MORC1: variants seen among roughly 807,000 people sequenced by gnomAD.
The protein encoded by MORC1 is MORC family CW-type zinc finger 1, also known as MORC family CW-type zinc finger protein 1.
In MORC1, 59 loss-of-function variants were observed where a neutral mutation model predicts 134.9. The observed-to-expected ratio is 0.44, with a 90% confidence interval of 0.35 to 0.54. The LOEUF (loss-of-function observed/expected upper bound fraction) is 0.54, where lower values mean the gene tolerates loss of function less well. Ranked by LOEUF, MORC1 falls within the 20% of genes least tolerant of loss-of-function variation. The pLI, the probability that MORC1 is intolerant of heterozygous loss-of-function variation, is 0.00. For synonymous variants in MORC1, 395 were observed against 391.7 expected (o/e 1.01, Z -0.10); for missense variants, 947 against 1,134.5 (o/e 0.83, Z 2.37).
chr3:109,011,254 G>C (rs913916360), intron 17 of MORC1, among the ~76,000 whole-genome samples: 1 of 152,044 alleles, frequency 6.6e-6, no homozygotes, highest in African/African-American at 2.4e-5. Context: ...CTGCCAAACT[G>C]TTTTCCTATG....
chr3:109,046,125 T>C (rs1346969463), intron 14 of MORC1, among the ~76,000 whole-genome samples: 1 of 152,238 alleles, frequency 6.6e-6, no homozygotes, highest in African/African-American at 2.4e-5. Context: ...TATAGATGTA[T>C]GAGGCATAAC....
At chr3:108,999,786 T>C (rs1317090615) in intron 21 of MORC1, among the ~76,000 whole-genome samples, 4 of 152,204 alleles carry the variant, frequency 2.6e-5, no homozygotes, top group Non-Finnish European at 5.9e-5. Context: ...GAAACTATAA[T>C]GAGTAATAAA....
intron 15 of MORC1, among the ~76,000 whole-genome samples, chr3:109,034,539 T>C (rs1949327229): frequency 6.6e-6 from 1 of 152,188 alleles, no homozygotes; most frequent in African/African-American, 2.4e-5. Flanking sequence ...TTACCCAACC[T>C]AATACTTTTG....
Position 109,005,058 on chromosome 3 carries a change from C to A in MORC1, c.2013+12G>T. The A allele has an allele frequency of 6.3e-7, 1 of 1,598,748 alleles. No homozygotes were observed. ...AGTGAATTGTTTTGTGAATAAGAAA[C>A]AATAATAATACCTGGGATCTCTCAG... On this transcript the variant is annotated intron_variant, in intron 19 of 27. Coordinates refer to ENST00000232603, the MANE Select transcript of MORC1 (RefSeq NM_014429.4).
chr3:109,026,108 G>T (rs1194958385), intron 17 of MORC1, among the ~76,000 whole-genome samples: 1 of 152,140 alleles, frequency 6.6e-6, no homozygotes, highest in Non-Finnish European at 1.5e-5. Flanking sequence ...ACAACCCAAA[G>T]CTTTCCTTGG....
chr3:109,076,000 A>C (rs1576715623), intron 8 of MORC1, among the ~76,000 whole-genome samples: 1 of 152,146 alleles, frequency 6.6e-6, no homozygotes, highest in South Asian at 2.1e-4. Flanking sequence ...AATTAAACTA[A>C]AGAGTTTCTG....
chr3:109,043,524 T>A (rs1005213469), intron 14 of MORC1, among the ~76,000 whole-genome samples: 11 of 152,052 alleles, frequency 7.2e-5, no homozygotes, highest in African/African-American at 2.4e-4. Flanking sequence ...TCCTTAACAT[T>A]ACTCAACTGT....
intron 17 of MORC1, among the ~76,000 whole-genome samples, chr3:109,026,086 G>C (rs1450453767): frequency 6.6e-6 from 1 of 152,122 alleles, no homozygotes; most frequent in Non-Finnish European, 1.5e-5. Context: ...GTTGCCTTTG[G>C]TTCAGTGAAC....
chr3:109,037,073 T>C (rs1386441549), intron 14 of MORC1, among the ~76,000 whole-genome samples: 1 of 152,164 alleles, frequency 6.6e-6, no homozygotes, highest in African/African-American at 2.4e-5. Flanking sequence ...TCACATTGCA[T>C]TCTTACAATT....
intron 16 of MORC1, among the ~76,000 whole-genome samples, chr3:109,030,335 G>T (rs1323867404): frequency 6.6e-6 from 1 of 152,118 alleles, no homozygotes; most frequent in African/African-American, 2.4e-5. Flanking sequence ...TATTCTCAAG[G>T]TATAGATGGC....
At chr3:109,078,547 T>C (rs918223319) in intron 8 of MORC1, among the ~76,000 whole-genome samples, 2 of 151,782 alleles carry the variant, frequency 1.3e-5, no homozygotes, top group Admixed American at 6.6e-5. Flanking sequence ...ACAGCTATTA[T>C]ATAACGCAGA....
At chr3:109,023,199 C>G (rs9860544) in intron 17 of MORC1, among the ~76,000 whole-genome samples, 64,274 of 151,966 alleles carry the variant, frequency 0.42, 14,303 homozygotes, top group Middle Eastern at 0.55. Flanking sequence ...CAAGAATGCA[C>G]AAACAAAGGC....
intron 14 of MORC1, among the ~76,000 whole-genome samples, chr3:109,051,087 T>C (rs1949813124): frequency 6.6e-6 from 1 of 152,234 alleles, no homozygotes; most frequent in Non-Finnish European, 1.5e-5. Context: ...TAAGGATGTA[T>C]AAAGCTTCAG....
At chr3:109,054,031 C>T (rs1811474) in intron 14 of MORC1, among the ~76,000 whole-genome samples, 29,957 of 152,118 alleles carry the variant, frequency 0.2, 3,382 homozygotes, top group Middle Eastern at 0.32. Flanking sequence ...GGCCTGTAAT[C>T]CCAGCACTTT....
At chr3:109,069,204 C>T (rs1322717714) in intron 9 of MORC1, among the ~76,000 whole-genome samples, 2 of 151,998 alleles carry the variant, frequency 1.3e-5, no homozygotes, top group Non-Finnish European at 2.9e-5. Flanking sequence ...AGTAAAAAAA[C>T]ACACAAAATA....
Position 109,106,677 on chromosome 3 carries a change from C to T in MORC1, c.155-2760G>A, listed in dbSNP as rs151163852. Among the ~76,000 whole-genome samples, 345 of 152,282 alleles carry T rather than the reference C, an allele frequency of 2.3e-3. 3 individuals are homozygous for T. The highest frequency in any genetic ancestry group is 3.9e-3 in the Admixed American group (59 of 15,294). ...GTTCTCCATCTCCTCACCCCTCACA[C>T]GGGCAACCATCTGGTCCTCTCAATT... On this transcript the variant is annotated intron_variant, in intron 3 of 27. Coordinates refer to ENST00000232603, the MANE Select transcript of MORC1 (RefSeq NM_014429.4).
chr3:108,960,011 G>A (rs1362944257), intron 27 of MORC1, among the ~76,000 whole-genome samples: 1 of 152,164 alleles, frequency 6.6e-6, no homozygotes, highest in East Asian at 1.9e-4. Context: ...GATGAGATTA[G>A]ACTGAGGGGG....
At chr3:108,960,146 C>T (rs1174680993) in intron 27 of MORC1, among the ~76,000 whole-genome samples, 2 of 152,114 alleles carry the variant, frequency 1.3e-5, no homozygotes, top group Non-Finnish European at 1.5e-5. Context: ...TGTCCACATC[C>T]CTTTGCAAGG....
intron 16 of MORC1, among the ~76,000 whole-genome samples, chr3:109,031,910 C>T (rs1455501076): frequency 1.3e-5 from 2 of 152,112 alleles, no homozygotes; most frequent in Non-Finnish European, 1.5e-5. Context: ...AAATCTAAGA[C>T]CCTTTGCCAC....
Sources: allele counts gnomAD v4.1 joint callset (sites outside exome capture counted in the v4.1 genomes callset), GRCh38; gene constraint gnomAD v4.1.1; transcripts MANE v1.5; gene names NCBI Gene and HGNC (gene_info 2026-07-23, HGNC 2026-07-21).